Variants in PAX8 observed in about 807,000 individuals in gnomAD.
The protein encoded by PAX8 is paired box 8, also known as paired box protein Pax-8.
Under a neutral mutation model 52.4 loss-of-function variants are expected in PAX8, and 15 were observed. The observed-to-expected ratio is 0.29, with a 90% CI of 0.19 to 0.44. PAX8 has a LOEUF of 0.44. PAX8 is among the 20% of genes least tolerant of loss of function. The probability of loss-of-function intolerance (pLI) is 1.00; values close to 1 mark genes in which losing one functional copy is unlikely to be tolerated. For synonymous variants in PAX8, 284 were observed against 249.7 expected, an observed-to-expected ratio of 1.14 and a Z score of -1.29; for missense variants, 554 against 602.5, an observed-to-expected ratio of 0.92 and a Z score of 0.84.
intron 7 of PAX8, chr2:113,239,776 T>C (rs1435863590): frequency 1.3e-5 from 2 of 152,174 alleles, no homozygotes; most frequent in African/African-American, 4.8e-5. Flanking sequence ...AAGCACCATA[T>C]CTGAAACAGG....
chr2:113,236,651 G>T lies in PAX8; in HGVS notation c.848C>A (p.Thr283Lys), dbSNP rs1389732019. The T allele has an allele frequency of 1.9e-6, 3 of 1,596,140 alleles. No homozygotes were observed. The highest frequency in any genetic ancestry group is 1.7e-6 in the Non-Finnish European group (2 of 1,171,828). Residue 283 changes from threonine (T) to lysine (K), a missense_variant, in exon 8 of 12, where the codon ACG becomes AAG. Physicochemically the swap from Thr to Lys is moderately conservative, Grantham distance 78 (BLOSUM62 -1). This residue lies in a region of PAX8 where 445 missense variants were observed against 409.9 expected (regional missense o/e 1.09). Coordinates refer to ENST00000429538, the MANE Select transcript of PAX8 (RefSeq NM_003466.4). ...AGTCGAGAGGTTGCGCCCCAGTGGC[G>T]TGTTGGAAGGGGTCAGGGTGGCCTT... The part of the protein sequence containing the change: ...DGKATLTPSN[T>K]PLGRNLSTHQ...
At chr2:113,277,945 T>C (rs984884500) in intron 2 of PAX8, among the ~76,000 whole-genome samples, 34 of 150,156 alleles carry the variant, frequency 2.3e-4, no homozygotes, top group Non-Finnish European at 4.3e-4. Flanking sequence ...GCCAGGGGAG[T>C]CACTGGGAAG....
At chr2:113,233,982 G>A (rs1276272558) in intron 9 of PAX8, among the ~76,000 whole-genome samples, 1 of 152,214 alleles carries the variant, frequency 6.6e-6, no homozygotes, top group African/African-American at 2.4e-5. Flanking sequence ...CCCACGCACT[G>A]GTCTCTGCTC....
At chr2:113,227,019 C>T in intron 10 of PAX8, 136 bp downstream of exon 10, 1 of 1,531,924 alleles carries the variant, frequency 6.5e-7, no homozygotes, top group East Asian at 2.5e-5. Flanking sequence ...CAAGGAGATG[C>T]CCTCTTTGGT....
At chr2:113,226,013 G>A (rs902141749) in intron 10 of PAX8, 7 of 985,582 alleles carry the variant, frequency 7.1e-6, no homozygotes, top group Non-Finnish European at 8.4e-6. Context: ...TTTCAACGCT[G>A]CATTAAGCAC....
chr2:113,274,420 T>A, intron 2 of PAX8: 1 of 152,336 alleles, frequency 6.6e-6, no homozygotes, highest in East Asian at 1.9e-4. Context: ...AGGATTTCAA[T>A]TTTCTTATAT....
intron 2 of PAX8, among the ~76,000 whole-genome samples, chr2:113,254,875 C>T (rs1191643983): frequency 5.9e-5 from 9 of 152,136 alleles, no homozygotes; most frequent in South Asian, 2.1e-4. Context: ...CCTTAGGAGT[C>T]GGTTCAGGAA....
chr2:113,243,473 C>T (rs1167951469), intron 4 of PAX8, among the ~76,000 whole-genome samples: 2 of 152,084 alleles, frequency 1.3e-5, no homozygotes, highest in African/African-American at 4.8e-5. Flanking sequence ...CTCACTGCAA[C>T]CTCTGCCTCC....
At chr2:113,246,363 G>A (rs975529283) in intron 3 of PAX8, among the ~76,000 whole-genome samples, 1 of 152,162 alleles carries the variant, frequency 6.6e-6, no homozygotes, top group Non-Finnish European at 1.5e-5. Flanking sequence ...TTAGGGGTTA[G>A]ACCTTGGGAG....
intron 2 of PAX8, among the ~76,000 whole-genome samples, chr2:113,258,547 C>T (rs963449356): frequency 1.3e-5 from 2 of 152,214 alleles, no homozygotes; most frequent in African/African-American, 2.4e-5. Flanking sequence ...ATCCCCCTTC[C>T]CTGCATAATC....
At chr2:113,236,865 A>G (rs1690402745) in intron 7 of PAX8, 144 bp from the exon 8 acceptor site, 4 of 924,610 alleles carry the variant, frequency 4.3e-6, no homozygotes, top group Admixed American at 2.9e-5. Context: ...TACGTTCTCA[A>G]CTCCACTCGG....
intron 1 of PAX8, 87 bp downstream of exon 1, chr2:113,278,744 G>C (rs1230040296): frequency 2.9e-6 from 2 of 687,762 alleles, no homozygotes; most frequent in South Asian, 8.5e-5. Context: ...GAGGGAAAAG[G>C]CTGCCAGGCA....
intron 10 of PAX8, among the ~76,000 whole-genome samples, chr2:113,225,204 C>T (rs1689493576): frequency 6.6e-6 from 1 of 152,196 alleles, no homozygotes; most frequent in Admixed American, 6.5e-5. Flanking sequence ...TGCAAAAGTA[C>T]ATAATAAGTG....
chr2:113,218,602 T>C lies in PAX8; in HGVS notation c.1284A>G (p.Pro428=), dbSNP rs1272893714. The change falls in exon 12 of 12, where the codon CCA becomes CCG. Residue 428 remains proline (P), a synonymous_variant. Coordinates refer to ENST00000429538, the MANE Select transcript of PAX8 (RefSeq NM_003466.4). The part of the protein sequence containing the change: ...RFPNSSLLSS[P]YYYSSTSRPS... ...GCCTTGATGTGGAACTGTAATAATA[T>C]GGGGAACCTGGACACATTAAAAAAA... 3.9e-6 allele frequency: 6 copies of C among 1,554,488 alleles called. No homozygotes were observed. The Admixed American group carries it at 9.7e-5, about 25-fold the overall frequency.
At chr2:113,277,875 G>A (rs570513182) in intron 2 of PAX8, among the ~76,000 whole-genome samples, 1 of 152,182 alleles carries the variant, frequency 6.6e-6, no homozygotes, top group East Asian at 1.9e-4. Context: ...CCGGCTCCCG[G>A]GCCCGGGACC....
chr2:113,252,322 G>C (rs1291761306), intron 2 of PAX8, among the ~76,000 whole-genome samples: 1 of 152,200 alleles, frequency 6.6e-6, no homozygotes, highest in African/African-American at 2.4e-5. Flanking sequence ...GGCATTCTCA[G>C]CTTGGTGTTG....
At chr2:113,223,873 TTTG>T (rs1208462179) in intron 10 of PAX8, among the ~76,000 whole-genome samples, 2 of 152,184 alleles carry the variant, frequency 1.3e-5, no homozygotes, top group African/African-American at 4.8e-5. Context: ...TCAACCAGTA[TTTG>T]TTAAGTGAAA....
At chr2:113,277,181 A>G (rs1327203120) in intron 2 of PAX8, among the ~76,000 whole-genome samples, 1 of 152,156 alleles carries the variant, frequency 6.6e-6, no homozygotes, top group Non-Finnish European at 1.5e-5. Context: ...ATTCTGGCCC[A>G]GGTCTCTGAG....
intron 2 of PAX8, among the ~76,000 whole-genome samples, chr2:113,256,784 A>C (rs1438819232): frequency 6.6e-6 from 1 of 152,128 alleles, no homozygotes; most frequent in African/African-American, 2.4e-5. Flanking sequence ...GAAGAGAGTC[A>C]GAAACCCCTG....
Sources: gnomAD v4.1 joint callset for allele counts (sites outside exome capture counted in the v4.1 genomes callset) on GRCh38, gnomAD v4.1.1 for gene constraint, gnomAD v4.1.1 regional missense constraint, MANE v1.5 for transcripts, NCBI Gene and HGNC (gene_info 2026-07-23, HGNC 2026-07-21) for gene names.